The following ANKRD35 variants were observed in gnomAD, a reference collection of about 807,000 sequenced individuals.
ANKRD35 encodes the protein ankyrin repeat domain 35, also known as ankyrin repeat domain-containing protein 35.
Under a neutral mutation model 109.9 loss-of-function variants are expected in ANKRD35, and 102 were observed. The ratio of observed to expected loss-of-function variants is 0.93; its 90% CI spans 0.79 to 1.09. The LOEUF is 1.09. Ranked by LOEUF, ANKRD35 falls within the 50% of genes least tolerant of loss-of-function variation. The pLI is 0.00. For synonymous variants in ANKRD35, 515 were observed against 512.4 expected, an observed-to-expected ratio of 1.01 and a Z score of -0.07; for missense variants, 1,240 against 1,230.1, an observed-to-expected ratio of 1.01 and a Z score of -0.12.
rs782013000 is a variant in ANKRD35, at chr1:145,873,111, G to A, written c.1658C>T (p.Ala553Val). 6.2e-7 allele frequency: 1 copy of A among 1,613,842 alleles called. No homozygotes were observed. The highest frequency in any genetic ancestry group is 1.1e-5 in the South Asian group (1 of 91,028). ...RVLARLEWAK[A>V]GLQVKPEVPS... ...AACCTCAGGTTTCACCTGTAGTCCT[G>A]CCTTTGCCCATTCCAGCCTTGCCAG... The change falls in exon 10 of 14, where the codon GCA becomes GTA. Residue 553 changes from alanine to valine, a missense_variant. Transcript: ENST00000355594.
At chr1:145,878,251 G>A (rs1654155733) in intron 3 of ANKRD35, 140 bp downstream of exon 3, 7 of 1,003,352 alleles carry the variant, frequency 7.0e-6, no homozygotes, top group South Asian at 4.5e-5. Context: ...GGGAACTCCT[G>A]GAAGGATGCT....
At chr1:145,883,486 G>T (rs1654367305) in intron 1 of ANKRD35, among the ~76,000 whole-genome samples, 1 of 152,212 alleles carries the variant, frequency 6.6e-6, no homozygotes, top group Non-Finnish European at 1.5e-5. Flanking sequence ...TCCTCTACTT[G>T]ACTAAAATAA....
chr1:145,880,986 A>G (rs1272198038), intron 1 of ANKRD35, among the ~76,000 whole-genome samples: 1 of 152,174 alleles, frequency 6.6e-6, no homozygotes, highest in Non-Finnish European at 1.5e-5. Flanking sequence ...GCAAAATTGG[A>G]ATTAGAATCC....
Position 145,868,343 on chromosome 1 carries a change from C to A in ANKRD35, c.2845G>T (p.Gly949Ter). Residue 949 changes from glycine (G) to a stop codon, truncating the protein, a stop_gained, in exon 11 of 14, where the codon GGA becomes TGA. Coordinates refer to ENST00000355594, the MANE Select transcript of ANKRD35 (RefSeq NM_144698.5). LOFTEE classifies it high-confidence loss of function. ...QLSEEVLAIRGENARLALQLQ... is the reference protein window; with the variant it reads ...QLSEEVLAIR ...TGCAGGGCAAGGCGAGCATTTTCTCCCCGAATTGCTAGAACCTCTTCTGAA... is the reference window on the plus strand; with the variant it reads ...TGCAGGGCAAGGCGAGCATTTTCTCACCGAATTGCTAGAACCTCTTCTGAA... 1 of 1,614,068 alleles carries A rather than the reference C, an allele frequency of 6.2e-7. No individual in the cohort carries two copies. The highest frequency in any genetic ancestry group is 2.2e-5 in the East Asian group (1 of 44,898).
rs781822111 is a variant in ANKRD35, at chr1:145,873,172, C to A, written c.1597G>T (p.Ala533Ser). ...GTPRAEAAAA[A>S]WEKMEARLER... The stretch of plus-strand genomic sequence containing the variant: ...AGTCGGGCTTCCATCTTCTCCCAGG[C>A]AGCTGCTGCTGCCTCAGCACGGGGA... The change falls in exon 10 of 14, where the codon GCC (alanine) becomes TCC (serine). Residue 533 changes from alanine (A) to serine (S), a missense_variant. Coordinates refer to ENST00000355594, the MANE Select transcript of ANKRD35 (RefSeq NM_144698.5). 1.2e-6 allele frequency: 2 copies of A among 1,613,996 alleles called. No individual in the cohort carries two copies. The highest frequency in any genetic ancestry group is 1.7e-6 in the Non-Finnish European group (2 of 1,180,026).
Position 145,867,521 on chromosome 1 carries a change from C to T in ANKRD35, c.2944-129G>A, listed in dbSNP as rs1653652715. On this transcript the variant is annotated intron_variant, in intron 12 of 13. Transcript: ENST00000355594. Reference sequence around the variant, plus strand: ...ATATACCTTCACTTATAGTATTTAACTTCTCCATGGCTTTTTCCCTATCTT... The same window carrying T: ...ATATACCTTCACTTATAGTATTTAATTTCTCCATGGCTTTTTCCCTATCTT... 3.7e-5 allele frequency: 27 copies of T among 725,330 alleles called. No homozygotes were observed. In the South Asian group the frequency reaches 4.3e-4, roughly 12 times the overall value. 44.9% of individuals were successfully genotyped at this position (725,330 alleles called of 1,614,324 possible).
intron 1 of ANKRD35, among the ~76,000 whole-genome samples, chr1:145,884,075 G>T (rs1553741535): frequency 1.3e-5 from 2 of 152,284 alleles, no homozygotes; most frequent in Middle Eastern, 6.8e-3. Context: ...TTGGAAAGGA[G>T]GTACTGCCCA....
At chr1:145,878,553 C>T in intron 2 of ANKRD35, 74 bp from the exon 3 acceptor site, 1 of 1,398,848 alleles carries the variant, frequency 7.1e-7, no homozygotes, top group Non-Finnish European at 9.9e-7. Context: ...TTGATAAGCC[C>T]TTCTTGCTAT....
In ANKRD35 at chr1:145,872,453, C is replaced by G; in HGVS notation, c.2316G>C (p.Lys772Asn). ...SPCREPGTSL[K>N]APASPQVAAL... ...CGGCCACTTGGGGGGATGCTGGGGC[C>G]TTTAAGGAGGTGCCTGGCTCCCTAC... The change falls in exon 10 of 14, where the codon AAG (lysine) becomes AAC (asparagine). Residue 772 changes from lysine (K) to asparagine (N), a missense_variant. Lys to Asn is a moderately conservative substitution (Grantham distance 94, BLOSUM62 0). Transcript: ENST00000355594. 6.2e-7 allele frequency: 1 copy of G among 1,607,504 alleles called. No individual in the cohort carries two copies. The highest frequency in any genetic ancestry group is 2.2e-5 in the East Asian group (1 of 44,706).
chr1:145,874,134 G>A (rs1553739611), intron 9 of ANKRD35, 21 bp downstream of exon 9: 1 of 1,614,078 alleles, frequency 6.2e-7, no homozygotes, highest in Admixed American at 1.7e-5. Flanking sequence ...AAGCAAAAGG[G>A]GGAGGCACTT....
chr1:145,873,483 T>C lies in ANKRD35; in HGVS notation c.1286A>G (p.Gln429Arg). ...CCTGATGGTCTCAGACGCTGGGCTC[T>C]GGGGTGGCCCCTGTTCTTCTGGTTG... ...RSQPEEQGPP[Q>R]SPASETIRKA... The change falls in exon 10 of 14, where the codon CAG (glutamine) becomes CGG (arginine). Residue 429 changes from glutamine (Q) to arginine (R), a missense_variant. Coordinates refer to ENST00000355594, the MANE Select transcript of ANKRD35 (RefSeq NM_144698.5). 6.2e-7 allele frequency: 1 copy of C among 1,614,078 alleles called. No homozygotes were observed.
At chr1:145,880,575 C>T (rs1235154323) in intron 1 of ANKRD35, among the ~76,000 whole-genome samples, 1 of 152,134 alleles carries the variant, frequency 6.6e-6, no homozygotes, top group African/African-American at 2.4e-5. Context: ...AAATATATGG[C>T]ATCCTTGTAA....
intron 1 of ANKRD35, among the ~76,000 whole-genome samples, chr1:145,885,356 C>A (rs1654438909): frequency 6.6e-6 from 1 of 151,826 alleles, no homozygotes; most frequent in Non-Finnish European, 1.5e-5. Flanking sequence ...TGAGGCCAGG[C>A]AGGGGCTGAG....
intron 7 of ANKRD35, 120 bp from the exon 8 acceptor site, chr1:145,875,126 A>C: frequency 1.1e-6 from 1 of 950,292 alleles, no homozygotes; most frequent in Non-Finnish European, 1.5e-6. Flanking sequence ...CAACAGACCA[A>C]CATTAGACCA....
At position 145,879,391 on chromosome 1, in the gene ANKRD35, G is replaced by C. The variant is rs782560425; in HGVS notation, c.40-3C>G. 2.6e-6 allele frequency: 4 copies of C among 1,560,790 alleles called. No individual in the cohort carries two copies. The South Asian group carries it at 3.6e-5, about 14-fold the overall frequency. On this transcript the variant is annotated splice_polypyrimidine_tract_variant and splice_region_variant and intron_variant, in intron 1 of 13. Transcript: ENST00000355594. Reference sequence around the variant, plus strand: ...TCATGGCGGTTCCATCTCTCCACCTGGTCCAGAGCCACAGGTTGTGTGAAT... The same window carrying C: ...TCATGGCGGTTCCATCTCTCCACCTCGTCCAGAGCCACAGGTTGTGTGAAT...
intron 4 of ANKRD35, 100 bp downstream of exon 4, chr1:145,877,863 GCGAGT>G: frequency 9.2e-7 from 1 of 1,084,808 alleles, no homozygotes; most frequent in Non-Finnish European, 1.4e-6. Flanking sequence ...TGGGGATGAG[GCGAGT>G]ACATTTGGCC....
At chr1:145,877,357 C>G (rs992441088) in intron 4 of ANKRD35, among the ~76,000 whole-genome samples, 3 of 151,802 alleles carry the variant, frequency 2.0e-5, no homozygotes, top group African/African-American at 4.8e-5. Context: ...CTCAGCCTCC[C>G]GAGTAACTGG....
intron 2 of ANKRD35, 55 bp downstream of exon 2, chr1:145,879,202 TG>T (rs1447104218): frequency 6.6e-7 from 1 of 1,506,448 alleles, no homozygotes; most frequent in Non-Finnish European, 8.9e-7. Context: ...ATATTGGATT[TG>T]GGGGCTTCAA....
In ANKRD35 at chr1:145,876,892, G is replaced by A; in HGVS notation, c.325-19C>T. The A allele has an allele frequency of 6.2e-7, 1 of 1,613,886 alleles. No individual in the cohort carries two copies. The highest frequency in any genetic ancestry group is 8.5e-7 in the Non-Finnish European group (1 of 1,179,954). ...CACCATGCTGCAAATGGCCACAAAG[G>A]GAAGCAGCATGGAGCTTGGTGTTAA... is the stretch of plus-strand genomic sequence containing the variant. On this transcript the variant is annotated intron_variant, in intron 4 of 13. Coordinates refer to ENST00000355594, the MANE Select transcript of ANKRD35 (RefSeq NM_144698.5).
Sources: allele counts gnomAD v4.1 joint callset (sites outside exome capture counted in the v4.1 genomes callset), GRCh38; gene constraint gnomAD v4.1.1; transcripts MANE v1.5; gene names NCBI Gene and HGNC (gene_info 2026-07-23, HGNC 2026-07-21).